The following SLCO6A1 variants were observed in gnomAD, a reference collection of about 807,000 sequenced individuals.
SLCO6A1 encodes solute carrier organic anion transporter family member 6A1.
In SLCO6A1, 65 loss-of-function variants were observed where a neutral mutation model predicts 72.7. That is an observed-to-expected ratio of 0.89 (90% CI 0.73 to 1.10). SLCO6A1 has a LOEUF of 1.10. Ranked by LOEUF, SLCO6A1 falls within the 50% of genes least tolerant of loss-of-function variation. The pLI, the probability that SLCO6A1 is intolerant of heterozygous loss-of-function variation, is 0.00. For missense variants in SLCO6A1, 874 were observed against 872.6 expected (o/e 1.00, Z -0.02); for synonymous variants, 314 against 298.2 (o/e 1.05, Z -0.55).
At chr5:102,427,075 A>T (rs1406930036) in intron 7 of SLCO6A1, among the ~76,000 whole-genome samples, 1 of 151,846 alleles carries the variant, frequency 6.6e-6, no homozygotes, top group Non-Finnish European at 1.5e-5. Flanking sequence ...AATGACATAA[A>T]AATGAAAGTG....
intron 10 of SLCO6A1, among the ~76,000 whole-genome samples, chr5:102,396,722 A>T (rs1747104522): frequency 6.6e-6 from 1 of 152,110 alleles, no homozygotes; most frequent in South Asian, 2.1e-4. Context: ...CCCACAGGAA[A>T]TTGTAAAAAT....
intron 12 of SLCO6A1, among the ~76,000 whole-genome samples, chr5:102,377,177 C>T (rs529603929): frequency 6.6e-6 from 1 of 152,102 alleles, no homozygotes; most frequent in African/African-American, 2.4e-5. Flanking sequence ...AATATATATA[C>T]ACAGAAGCCT....
chr5:102,454,118 C>T lies in SLCO6A1; in HGVS notation c.1131+4264G>A, dbSNP rs143037158. 4.3e-3 allele frequency among the ~76,000 whole-genome samples: 648 copies of T among 152,258 alleles called. 10 individuals are homozygous for T. The highest frequency in any genetic ancestry group is 0.015 in the African/African-American group (622 of 41,552). On this transcript the variant is annotated intron_variant, in intron 6 of 13. Transcript: ENST00000506729. ...CAACTATTGCTGCCTCTGGTAGCTA[C>T]GATGCTGGCCTTTTCCAAAGACTGG... is the stretch of plus-strand genomic sequence containing the variant.
chr5:102,426,633 G>A (rs1748908973), intron 7 of SLCO6A1, among the ~76,000 whole-genome samples: 1 of 152,210 alleles, frequency 6.6e-6, no homozygotes, highest in African/African-American at 2.4e-5. Flanking sequence ...ATGCTGGCAA[G>A]ATTGTGGAGA....
intron 6 of SLCO6A1, among the ~76,000 whole-genome samples, chr5:102,454,299 C>T (rs1227719236): frequency 6.6e-6 from 1 of 152,138 alleles, no homozygotes; most frequent in East Asian, 1.9e-4. Flanking sequence ...GATGCAGTCC[C>T]AAATTTAAAT....
intron 12 of SLCO6A1, among the ~76,000 whole-genome samples, chr5:102,380,814 G>A (rs1746062429): frequency 6.6e-6 from 1 of 151,978 alleles, no homozygotes; most frequent in Non-Finnish European, 1.5e-5. Context: ...ATATTGGACA[G>A]TACAACTCTA....
At chr5:102,435,189 CTG>C (rs1232865639) in intron 7 of SLCO6A1, among the ~76,000 whole-genome samples, 18 of 152,052 alleles carry the variant, frequency 1.2e-4, no homozygotes, top group African/African-American at 4.3e-4. Flanking sequence ...AATAAAATTC[CTG>C]TGTGAAATCA....
chr5:102,406,597 C>T (rs1747680731), intron 9 of SLCO6A1, among the ~76,000 whole-genome samples: 1 of 151,542 alleles, frequency 6.6e-6, no homozygotes, highest in Non-Finnish European at 1.5e-5. Context: ...GAAAAATAAA[C>T]AATATAAGTA....
At chr5:102,462,756 T>C (rs1244785667) in intron 4 of SLCO6A1, among the ~76,000 whole-genome samples, 1 of 151,888 alleles carries the variant, frequency 6.6e-6, no homozygotes, top group Non-Finnish European at 1.5e-5. Flanking sequence ...CTTATTGTCT[T>C]ACCTTATACA....
chr5:102,383,095 A>AT (rs1554064835), intron 12 of SLCO6A1, among the ~76,000 whole-genome samples: 74 of 128,534 alleles, frequency 5.8e-4, no homozygotes, highest in African/African-American at 1.3e-3. Flanking sequence ...TATGTGTGTG[A>AT]ATATATATAT....
intron 4 of SLCO6A1, among the ~76,000 whole-genome samples, chr5:102,467,628 C>T (rs1751378248): frequency 6.6e-6 from 1 of 151,972 alleles, no homozygotes; most frequent in African/African-American, 2.4e-5. Context: ...ACAGCCAAAC[C>T]GTATCAGTGG....
intron 9 of SLCO6A1, among the ~76,000 whole-genome samples, chr5:102,411,878 C>T (rs573199589): frequency 1.8e-4 from 27 of 152,248 alleles, no homozygotes; most frequent in African/African-American, 5.8e-4. Flanking sequence ...TAGCAAATAA[C>T]GTAACATTTC....
intron 9 of SLCO6A1, among the ~76,000 whole-genome samples, chr5:102,412,378 GTT>G (rs969305830): frequency 7.9e-5 from 12 of 152,084 alleles, no homozygotes; most frequent in Non-Finnish European, 7.4e-5. Context: ...ATTTTACAGA[GTT>G]TGACTCTTTT....
At chr5:102,435,503 C>T (rs1749480877) in intron 7 of SLCO6A1, among the ~76,000 whole-genome samples, 2 of 152,136 alleles carry the variant, frequency 1.3e-5, no homozygotes, top group Admixed American at 1.3e-4. Flanking sequence ...AAAGGAAAGT[C>T]CTAGCTTTGA....
Position 102,498,652 on chromosome 5 carries a change from G to A in SLCO6A1, c.193C>T (p.Arg65Ter), listed in dbSNP as rs1490631356. ...GAGGACTTGGCTTTTTTCCTTTTTC[G>A]GAAACCGCCGAACCTTATCAAGGCC... ...PEALIRFGGF[R>*]KRKKAKSSVS... Residue 65 changes from arginine to a stop codon, truncating the protein, a stop_gained, in exon 1 of 14, where the codon CGA (arginine) becomes TGA (stop). Transcript: ENST00000506729. LOFTEE classifies it high-confidence loss of function. 3 of 1,613,940 alleles carry A rather than the reference G, an allele frequency of 1.9e-6. No homozygotes were observed. Among genetic ancestry groups the A allele is most frequent in the Non-Finnish European group, 2.5e-6 (3 of 1,180,002 alleles).
chr5:102,418,796 T>C (rs1312645607), intron 8 of SLCO6A1, among the ~76,000 whole-genome samples: 2 of 152,134 alleles, frequency 1.3e-5, no homozygotes, highest in Non-Finnish European at 2.9e-5. Context: ...ATCTCCTATC[T>C]ACAGAGCATC....
intron 12 of SLCO6A1, among the ~76,000 whole-genome samples, chr5:102,383,809 T>G (rs1746254613): frequency 6.6e-6 from 1 of 151,876 alleles, no homozygotes; most frequent in African/African-American, 2.4e-5. Context: ...AATTCATCAG[T>G]GAAGTCATCG....
At chr5:102,373,037 T>A (rs560702713) in intron 13 of SLCO6A1, among the ~76,000 whole-genome samples, 1 of 151,860 alleles carries the variant, frequency 6.6e-6, no homozygotes, top group Admixed American at 6.6e-5. Context: ...TAATTCCAAA[T>A]AGCAAAGGCC....
chr5:102,430,047 T>C (rs1749128818), intron 7 of SLCO6A1, among the ~76,000 whole-genome samples: 1 of 152,188 alleles, frequency 6.6e-6, no homozygotes. Flanking sequence ...TCCTAGGTAT[T>C]TAAATCTTTT....
Sources: allele counts gnomAD v4.1 joint callset (sites outside exome capture counted in the v4.1 genomes callset), GRCh38; gene constraint gnomAD v4.1.1; transcripts MANE v1.5; gene names NCBI Gene and HGNC (gene_info 2026-07-23, HGNC 2026-07-21).